KLF7: variants seen among roughly 807,000 people sequenced by gnomAD.
KLF7 encodes Krueppel-like factor 7.
A neutral mutation model predicts 27.3 loss-of-function variants in KLF7; 2 were observed. The observed-to-expected ratio is 0.07, with a 90% CI of 0.03 to 0.23. The LOEUF (loss-of-function observed/expected upper bound fraction) is 0.23. Among genes scored for constraint, KLF7 ranks in the 10% least tolerant of loss-of-function variants. The pLI, the probability that KLF7 is intolerant of heterozygous loss-of-function variation, is 1.00. For synonymous variants in KLF7, 165 were observed against 162.4 expected, an observed-to-expected ratio of 1.02 and a Z score of -0.12; for missense variants, 221 against 394.1, an observed-to-expected ratio of 0.56 and a Z score of 3.72.
intron 1 of KLF7, among the ~76,000 whole-genome samples, chr2:207,131,750 T>C (rs1341590244): frequency 6.6e-6 from 1 of 152,156 alleles, no homozygotes; most frequent in African/African-American, 2.4e-5. Flanking sequence ...TAAGTCAGAA[T>C]TGAAAGACAG....
At chr2:207,094,153 A>C (rs1023412156) in intron 2 of KLF7, among the ~76,000 whole-genome samples, 2 of 152,238 alleles carry the variant, frequency 1.3e-5, no homozygotes, top group Non-Finnish European at 2.9e-5. Context: ...TTTAAGATAG[A>C]GAGTGTAGCA....
intron 2 of KLF7, among the ~76,000 whole-genome samples, chr2:207,118,440 T>C (rs186694426): frequency 6.6e-6 from 1 of 152,350 alleles, no homozygotes; most frequent in African/African-American, 2.4e-5. Context: ...AGAGAGGATA[T>C]TTAGTTTTCA....
chr2:207,123,971 C>G lies in KLF7; in HGVS notation c.536G>C (p.Gly179Ala). The G allele has an allele frequency of 1.2e-6, 2 of 1,614,214 alleles. No individual in the cohort carries two copies. The highest frequency in any genetic ancestry group is 1.7e-6 in the Non-Finnish European group (2 of 1,180,040). Residue 179 changes from glycine to alanine, a missense_variant, in exon 2 of 4, where the codon GGA (glycine) becomes GCA (alanine). Coordinates refer to ENST00000309446, the MANE Select transcript of KLF7 (RefSeq NM_003709.4). ...KKAALSSVKVGGVATAAAAVT... is the reference protein window; with the variant it reads ...KKAALSSVKVAGVATAAAAVT... ...GGCTGCTGCAGCTGTTGCGACCCCT[C>G]CCACCTTTACGGAGCTGAGAGCAGC...
chr2:207,112,471 G>C (rs2077063994), intron 2 of KLF7, among the ~76,000 whole-genome samples: 2 of 152,168 alleles, frequency 1.3e-5, no homozygotes, highest in African/African-American at 4.8e-5. Context: ...TGCTTCAATT[G>C]TGATAGGGTA....
intron 2 of KLF7, among the ~76,000 whole-genome samples, chr2:207,113,442 T>C (rs370628120): frequency 6.6e-6 from 1 of 152,214 alleles, no homozygotes; most frequent in Non-Finnish European, 1.5e-5. Flanking sequence ...TTTGCACTTA[T>C]GCTCCATTAA....
Position 207,080,776 on chromosome 2 carries a change from T to C in KLF7, c.*437A>G. 2.5e-6 allele frequency: 1 copy of C among 400,932 alleles called. No homozygotes were observed. Among genetic ancestry groups the C allele is most frequent in the Non-Finnish European group, 4.4e-6 (1 of 227,304 alleles). 24.8% of individuals were successfully genotyped at this position (400,932 alleles called of 1,614,324 possible). On this transcript the variant is annotated 3_prime_UTR_variant, in exon 4 of 4. Coordinates refer to ENST00000309446, the MANE Select transcript of KLF7 (RefSeq NM_003709.4). ...ACATATGCAACTTTAAGATGCTGGA[T>C]TCTCCTATCAAGTTGCACTGAGAAG...
chr2:207,160,705 A>T (rs1037918586), intron 1 of KLF7, among the ~76,000 whole-genome samples: 1 of 152,222 alleles, frequency 6.6e-6, no homozygotes, highest in African/African-American at 2.4e-5. Context: ...AGATTCATAA[A>T]AGAATGGCTA....
At chr2:207,083,163 A>C (rs937059043) in intron 3 of KLF7, among the ~76,000 whole-genome samples, 3 of 152,176 alleles carry the variant, frequency 2.0e-5, no homozygotes, top group African/African-American at 7.2e-5. Flanking sequence ...AGTTTTCTTT[A>C]AAAACTAGTA....
intron 1 of KLF7, among the ~76,000 whole-genome samples, chr2:207,135,480 C>CA (rs34033571): frequency 0.29 from 43,805 of 151,998 alleles, 6,629 homozygotes; most frequent in Middle Eastern, 0.38. Flanking sequence ...ACAAGCCTCA[C>CA]AACATCTAAA....
intron 1 of KLF7, among the ~76,000 whole-genome samples, chr2:207,157,878 C>G (rs2078433795): frequency 6.6e-6 from 1 of 152,136 alleles, no homozygotes; most frequent in South Asian, 2.1e-4. Context: ...CGAATAATCA[C>G]ATTATTAAAA....
chr2:207,109,283 T>C (rs2076965464), intron 2 of KLF7, among the ~76,000 whole-genome samples: 1 of 152,250 alleles, frequency 6.6e-6, no homozygotes, highest in South Asian at 2.1e-4. Context: ...TTTTCTTAGC[T>C]ATTCTGAATT....
At chr2:207,100,698 T>G (rs2076746349) in intron 2 of KLF7, among the ~76,000 whole-genome samples, 1 of 152,234 alleles carries the variant, frequency 6.6e-6, no homozygotes, top group African/African-American at 2.4e-5. Context: ...TTTCTCCTCC[T>G]CAGAAAACTA....
chr2:207,153,680 T>C (rs2078307516), intron 1 of KLF7, among the ~76,000 whole-genome samples: 1 of 151,846 alleles, frequency 6.6e-6, no homozygotes. Context: ...CAGTGAGATA[T>C]ATCAAGTAGT....
At chr2:207,093,598 T>A (rs2076560559) in intron 2 of KLF7, among the ~76,000 whole-genome samples, 1 of 152,242 alleles carries the variant, frequency 6.6e-6, no homozygotes, top group African/African-American at 2.4e-5. Context: ...AGTTGCACAT[T>A]GTTTGAGTGT....
chr2:207,145,675 C>T (rs1343921416), intron 1 of KLF7, among the ~76,000 whole-genome samples: 1 of 152,142 alleles, frequency 6.6e-6, no homozygotes, highest in Non-Finnish European at 1.5e-5. Context: ...GTATTCTTTC[C>T]TGGCACCCTA....
At chr2:207,132,258 T>C (rs1297144242) in intron 1 of KLF7, among the ~76,000 whole-genome samples, 2 of 152,202 alleles carry the variant, frequency 1.3e-5, no homozygotes, top group Non-Finnish European at 2.9e-5. Context: ...CTGAACTCCA[T>C]GAAATAACCA....
At chr2:207,152,972 G>A (rs1044763455) in intron 1 of KLF7, among the ~76,000 whole-genome samples, 2 of 151,968 alleles carry the variant, frequency 1.3e-5, no homozygotes, top group East Asian at 1.9e-4. Context: ...TATGCATGCC[G>A]GCCAAATAAA....
At chr2:207,133,028 C>T (rs1341577709) in intron 1 of KLF7, among the ~76,000 whole-genome samples, 2 of 152,192 alleles carry the variant, frequency 1.3e-5, no homozygotes, top group African/African-American at 4.8e-5. Flanking sequence ...AAGAATTGCT[C>T]ACTATTACTT....
intron 1 of KLF7, among the ~76,000 whole-genome samples, chr2:207,163,255 A>C (rs1370988635): frequency 1.3e-5 from 2 of 152,232 alleles, no homozygotes; most frequent in Non-Finnish European, 2.9e-5. Flanking sequence ...CATTGGCTAT[A>C]AGCATGACGC....
Sources: gnomAD v4.1 joint callset for allele counts (sites outside exome capture counted in the v4.1 genomes callset) on GRCh38, gnomAD v4.1.1 for gene constraint, MANE v1.5 for transcripts, NCBI Gene and HGNC (gene_info 2026-07-23, HGNC 2026-07-21) for gene names.